The following ITFG2 variants were observed in gnomAD, a reference collection of about 807,000 sequenced individuals.
ITFG2 encodes the protein integrin alpha FG-GAP repeat containing 2, also known as KICSTOR complex protein ITFG2.
ITFG2 carries 36 observed loss-of-function variants against 54.4 expected under a neutral mutation model. The observed-to-expected ratio is 0.66, with a 90% CI of 0.51 to 0.87. The LOEUF (loss-of-function observed/expected upper bound fraction) is 0.87, where lower values mean the gene tolerates loss of function less well. Among genes scored for constraint, ITFG2 ranks in the 40% least tolerant of loss-of-function variants. ITFG2 has a pLI of 0.00. For synonymous variants in ITFG2, 211 were observed against 225.4 expected (o/e 0.94, Z 0.57); for missense variants, 524 against 576.7 (o/e 0.91, Z 0.94).
chr12:2,849,219 C>T (rs1337176880), intron 2 of ITFG2: 2 of 1,531,664 alleles, frequency 1.3e-6, no homozygotes, highest in South Asian at 2.4e-5. Flanking sequence ...ATCGTCCCCT[C>T]TGGAAGCCCT....
intron 2 of ITFG2, chr12:2,857,319 C>T (rs2098090629): frequency 4.3e-6 from 2 of 467,366 alleles, no homozygotes; most frequent in African/African-American, 2.0e-5. Context: ...GTGGGGATGG[C>T]AGTGGGAATG....
chr12:2,831,734 C>G (rs569071561), downstream of ITFG2, among the ~76,000 whole-genome samples: 10 of 152,212 alleles, frequency 6.6e-5, no homozygotes, highest in African/African-American at 2.4e-4. Context: ...ATCTGTCCCT[C>G]CTTTCCTTCT....
In ITFG2 at chr12:2,824,252, G is replaced by T; in HGVS notation, c.*59G>T. The stretch of plus-strand genomic sequence containing the variant: ...CTGAACCCCCACCCTACCCCCTAAA[G>T]GTATCTGTGGTATTGGCAGGATAGG... On this transcript the variant is annotated 3_prime_UTR_variant, in exon 12 of 12. Transcript: ENST00000228799. 2.0e-6 allele frequency: 3 copies of T among 1,495,618 alleles called. No individual in the cohort carries two copies. Among genetic ancestry groups the T allele is most frequent in the Non-Finnish European group, 2.8e-6 (3 of 1,073,282 alleles). 92.6% of individuals were successfully genotyped at this position (1,495,618 alleles called of 1,614,324 possible).
At chr12:2,837,534 G>A (rs1430336668) in intron 1 of ITFG2, among the ~76,000 whole-genome samples, 4 of 152,194 alleles carry the variant, frequency 2.6e-5, no homozygotes, top group African/African-American at 9.6e-5. Flanking sequence ...CTACTTGGGA[G>A]GCTGAGGCAG....
Position 2,855,545 on chromosome 12 carries a change from C to A in ITFG2, n.301-2467C>A, listed in dbSNP as rs897890825. The A allele has an allele frequency of 5.4e-6, 5 of 933,396 alleles. No homozygotes were observed. The Admixed American group carries it at 1.7e-4, about 31-fold the overall frequency. 57.8% of individuals were successfully genotyped at this position (933,396 alleles called of 1,614,324 possible). A position where few individuals can be genotyped will look rare whatever the true frequency, so the allele number is the denominator to read the frequency against. On this transcript the variant is annotated intron_variant and non_coding_transcript_variant, in intron 2 of 3. Coordinates refer to the ITFG2 transcript ENST00000537710. ...CTCTCCTTCCCAGGCACGACCTCTG[C>A]CAGCCCAGGATTCTCATGAGGACGC...
At chr12:2,835,233 CTG>C, upstream of ITFG2, 1 of 976,590 alleles carries the variant, frequency 1.0e-6, no homozygotes, top group Non-Finnish European at 1.2e-6. Flanking sequence ...GTGCTGTAAA[CTG>C]TCAGGGTGCC....
intron 2 of ITFG2, chr12:2,857,041 G>C (rs543850889): frequency 1.4e-6 from 1 of 702,908 alleles, no homozygotes; most frequent in Admixed American, 2.0e-5. Flanking sequence ...CTGGGCCTCA[G>C]AGCCAGGAGG....
upstream of ITFG2, among the ~76,000 whole-genome samples, chr12:2,834,447 C>T (rs555216518): frequency 1.3e-5 from 2 of 152,150 alleles, no homozygotes; most frequent in African/African-American, 2.4e-5. Context: ...GAATAGGAAC[C>T]CTCAGAGCCA....
chr12:2,842,120 C>CTTTT lies in ITFG2; in HGVS notation n.300+1141_300+1144dup, dbSNP rs71057841. Among the ~76,000 whole-genome samples the CTTTT allele has an allele frequency of 8.1e-4, 88 of 108,694 alleles. 5 individuals carry two copies. Among genetic ancestry groups the CTTTT allele is most frequent in the African/African-American group, 2.0e-3 (53 of 27,176 alleles). The allele number at this position is 108,694 out of a possible 152,430, so 71.3% of individuals were successfully genotyped here. On this transcript the variant is annotated intron_variant and non_coding_transcript_variant, in intron 2 of 3. Coordinates refer to the ITFG2 transcript ENST00000537710. ...TAATAAAAATTAATTTCACTTGTTT[C>CTTTT]TTTTTTTTTTTTTTTTTTTGAGATG...
intron 2 of ITFG2, among the ~76,000 whole-genome samples, chr12:2,841,374 T>A (rs2098040752): frequency 1.3e-5 from 2 of 151,554 alleles, no homozygotes; most frequent in Non-Finnish European, 3.0e-5. Context: ...TTTCTAGCAA[T>A]GATGAAGGGG....
downstream of ITFG2, chr12:2,827,099 G>T (rs2153925576): frequency 6.4e-7 from 1 of 1,552,276 alleles, no homozygotes; most frequent in South Asian, 1.2e-5. The surrounding 1 kb of genome is among the most constrained non-coding windows in gnomAD (Gnocchi z 4.0). Flanking sequence ...GTGATTGGAA[G>T]GGCAGACACC....
At chr12:2,850,548 T>G (rs995114753) in intron 2 of ITFG2, among the ~76,000 whole-genome samples, 6 of 152,208 alleles carry the variant, frequency 3.9e-5, no homozygotes, top group African/African-American at 1.2e-4. Flanking sequence ...AAATGTTGTA[T>G]TTCCTCAACA....
At chr12:2,828,371 T>C, downstream of ITFG2, 1 of 1,614,166 alleles carries the variant, frequency 6.2e-7, no homozygotes, top group East Asian at 2.2e-5. Flanking sequence ...CCGATTGTAT[T>C]GGGTGCCTGT....
intron 2 of ITFG2, chr12:2,855,524 C>T: frequency 8.7e-7 from 1 of 1,147,392 alleles, no homozygotes; most frequent in Non-Finnish European, 1.2e-6. Flanking sequence ...ACTCCGCTCT[C>T]CTTCCCAGGC....
At chr12:2,828,419 GAAA>G, downstream of ITFG2, 1 of 1,612,772 alleles carries the variant, frequency 6.2e-7, no homozygotes, top group Non-Finnish European at 8.5e-7. Context: ...CTGGCACTAA[GAAA>G]GAAGAATCGT....
At chr12:2,827,208 C>T (rs866628139), downstream of ITFG2, 1 of 1,614,142 alleles carries the variant, frequency 6.2e-7, no homozygotes, top group Non-Finnish European at 8.5e-7. The surrounding 1 kb of genome is among the most constrained non-coding windows in gnomAD (Gnocchi z 4.0). Flanking sequence ...AGACAGCAGT[C>T]ACTGGCCAGG....
upstream of ITFG2, chr12:2,835,159 ATGTGTGTGTGTGTGTG>A: frequency 8.9e-7 from 1 of 1,125,232 alleles, no homozygotes; most frequent in Non-Finnish European, 1.1e-6. Flanking sequence ...GATGGGGCGT[ATGTGTGTGTGTGTGTG>A]TGTGTGTGTG....
chr12:2,846,694 C>T (rs2098054279), intron 2 of ITFG2, among the ~76,000 whole-genome samples: 1 of 151,668 alleles, frequency 6.6e-6, no homozygotes, highest in Non-Finnish European at 1.5e-5. Flanking sequence ...TTCCCAGAGC[C>T]CTGGCACTCC....
intron 4 of ITFG2, among the ~76,000 whole-genome samples, chr12:2,819,416 C>T (rs1430048305): frequency 1.3e-5 from 2 of 151,608 alleles, no homozygotes; most frequent in East Asian, 1.9e-4. Flanking sequence ...TGCAGTAAGC[C>T]GAAATCGCGC....
Sources: gnomAD v4.1 joint callset for allele counts (sites outside exome capture counted in the v4.1 genomes callset) on GRCh38, gnomAD v4.1.1 for gene constraint, Gnocchi (gnomAD v3.1) non-coding constraint, MANE v1.5 for transcripts, NCBI Gene and HGNC (gene_info 2026-07-23, HGNC 2026-07-21) for gene names.